Variants in CCDC157 observed in about 807,000 individuals in gnomAD.
CCDC157 encodes the protein coiled-coil domain-containing protein 157.
CCDC157 carries 60 observed loss-of-function variants against 70.9 expected under a neutral mutation model. That is an observed-to-expected ratio of 0.85 (90% CI 0.69 to 1.05). CCDC157 has a LOEUF of 1.05. Ranked by LOEUF, CCDC157 falls within the 50% of genes least tolerant of loss-of-function variation. The pLI is 0.00. For missense variants in CCDC157, 943 were observed against 984.2 expected, an observed-to-expected ratio of 0.96 and a Z score of 0.56; for synonymous variants, 373 against 422.4, an observed-to-expected ratio of 0.88 and a Z score of 1.43.
At chr22:30,375,800 T>G in intron 10 of CCDC157, 137 bp downstream of exon 10, 3 of 752,010 alleles carry the variant, frequency 4.0e-6, no homozygotes, top group Non-Finnish European at 6.3e-6. Flanking sequence ...TGTGAAACAT[T>G]TTTCACATTT....
rs765457997 is a variant in CCDC157 at position 30,374,415 on chromosome 22, T to C, written c.1672+324T>C. On this transcript the variant is annotated intron_variant, in intron 9 of 11. Coordinates refer to ENST00000338306, the MANE Select transcript of CCDC157 (RefSeq NM_001017437.5). ...CATGCTAATTCTTGCTCGACTTCTG[T>C]GTGTCCCCCTTCTTGGTTCTTGGAA... The C allele has an allele frequency of 4.9e-5, 26 of 525,264 alleles. 1 individual carries two copies. Among genetic ancestry groups the C allele is most frequent in the South Asian group, 2.0e-4 (13 of 65,198 alleles). 32.5% of individuals were successfully genotyped at this position (525,264 alleles called of 1,614,324 possible). A position where few individuals can be genotyped will look rare whatever the true frequency, so the allele number is the denominator to read the frequency against.
Position 30,369,595 on chromosome 22 carries a change from C to T in CCDC157, c.412C>T (p.Leu138Phe). 1 of 1,559,758 alleles carries T rather than the reference C, an allele frequency of 6.4e-7. No individual in the cohort carries two copies. Among genetic ancestry groups the T allele is most frequent in the Non-Finnish European group, 8.7e-7 (1 of 1,156,032 alleles). Residue 138 changes from leucine to phenylalanine, a missense_variant, in exon 4 of 12, where the codon CTC (leucine) becomes TTC (phenylalanine). By Grantham distance (22) the Leu-to-Phe change is conservative (BLOSUM62 0). Coordinates refer to ENST00000338306, the MANE Select transcript of CCDC157 (RefSeq NM_001017437.5). Reference protein sequence around the residue: ...LRLGTLHQQPLPQKGANQRET... With the variant: ...LRLGTLHQQPFPQKGANQRET... ...GCTGGGCACGCTCCACCAGCAGCCA[C>T]TCCCCCAGGTGGGTCCCAGCCTCTG...
At position 30,373,686 on chromosome 22, in the gene CCDC157, T is replaced by A; in HGVS notation, c.1425T>A (p.Ala475=). 6.4e-7 allele frequency: 1 copy of A among 1,554,862 alleles called. No homozygotes were observed. The highest frequency in any genetic ancestry group is 1.4e-5 in the African/African-American group (1 of 73,432). The part of the protein sequence containing the change: ...REELRGSLDE[A]EAQRARVEEQ... ...AGCTGCGGGGCAGCCTGGACGAGGC[T>A]GAGGCCCAGCGGGCCCGCGTGGAGG... Residue 475 remains alanine, a synonymous_variant, in exon 8 of 12, where the codon GCT becomes GCA. Coordinates refer to ENST00000338306, the MANE Select transcript of CCDC157 (RefSeq NM_001017437.5).
At chr22:30,366,444 G>A (rs1205129957) in intron 3 of CCDC157, 196 bp downstream of exon 3, 1 of 663,334 alleles carries the variant, frequency 1.5e-6, no homozygotes, top group Non-Finnish European at 2.7e-6. Context: ...GTTGTGTGCT[G>A]TGCTATCCTG....
At chr22:30,356,967 C>T (rs905448385), upstream of CCDC157, 52 of 503,612 alleles carry the variant, frequency 1.0e-4, no homozygotes, top group African/African-American at 2.0e-4. Flanking sequence ...CCGTGACGCG[C>T]TTCCCGCCCC....
intron 2 of CCDC157, among the ~76,000 whole-genome samples, chr22:30,363,945 G>A (rs1318476698): frequency 1.3e-5 from 2 of 152,128 alleles, no homozygotes; most frequent in African/African-American, 4.8e-5. Context: ...GCCTCCCAAA[G>A]TGTTGGGATT....
At chr22:30,365,474 TAG>T (rs1205063072) in intron 2 of CCDC157, among the ~76,000 whole-genome samples, 1 of 152,040 alleles carries the variant, frequency 6.6e-6, no homozygotes, top group Non-Finnish European at 1.5e-5. Flanking sequence ...CATGGTCCAA[TAG>T]AGTTTCGTCC....
chr22:30,369,396 G>A (rs779153581), intron 3 of CCDC157, 36 bp from the exon 4 acceptor site: 1 of 1,462,754 alleles, frequency 6.8e-7, no homozygotes, highest in Non-Finnish European at 9.1e-7. Flanking sequence ...GTTAGCACCA[G>A]CCTGGGCCCC....
chr22:30,366,007 C>T lies in CCDC157; in HGVS notation c.7C>T (p.His3Tyr). 5.0e-6 allele frequency: 8 copies of T among 1,594,124 alleles called. No individual in the cohort carries two copies. Among genetic ancestry groups the T allele is most frequent in the Non-Finnish European group, 6.0e-6 (7 of 1,176,410 alleles). ...CACCCCAGGATCTGTGAGGATGGCG[C>T]ACCTGCTGGGCAGCCAGGCCTGCAT... MAHLLGSQACMES... is the reference protein window; with the variant it reads MAYLLGSQACMES... Residue 3 changes from histidine to tyrosine, a missense_variant, in exon 3 of 12, where the codon CAC becomes TAC. By Grantham distance (83) the His-to-Tyr change is moderately conservative. Coordinates refer to ENST00000338306, the MANE Select transcript of CCDC157 (RefSeq NM_001017437.5).
chr22:30,375,100 G>A (rs1445988642), intron 9 of CCDC157: 14 of 293,562 alleles, frequency 4.8e-5, no homozygotes, highest in South Asian at 1.6e-4. Context: ...CTGGGACTAC[G>A]GGGGCCCGCC....
intron 1 of CCDC157, among the ~76,000 whole-genome samples, chr22:30,358,179 TAGGAA>T (rs1200151937): frequency 6.6e-6 from 1 of 152,196 alleles, no homozygotes; most frequent in Non-Finnish European, 1.5e-5. Context: ...GAGGGAGTGA[TAGGAA>T]AGGTTGCTCT....
At chr22:30,357,304 C>T (rs138751425) in intron 1 of CCDC157, among the ~76,000 whole-genome samples, 172 bp downstream of exon 1, 27 of 152,294 alleles carry the variant, frequency 1.8e-4, no homozygotes, top group African/African-American at 6.5e-4. Context: ...CGCCTAAGAG[C>T]CCCACTTCCC....
chr22:30,370,048 G>A, intron 4 of CCDC157: 1 of 542,806 alleles, frequency 1.8e-6, no homozygotes. Flanking sequence ...ACCAGCAGCT[G>A]TGACCGTCAC....
rs978190848 is a variant in CCDC157 at position 30,369,467 on chromosome 22, T to C, written c.284T>C (p.Leu95Ser). ...CTGCTTCAAAGCTGTATGAGCTACT[T>C]GGAGAACCTTGGCTCAGAGCAGATG... ...LLLLQSCMSYLENLGSEQMMP... is the reference protein window; with the variant it reads ...LLLLQSCMSYSENLGSEQMMP... Residue 95 changes from leucine (L) to serine (S), a missense_variant, in exon 4 of 12, where the codon TTG becomes TCG. Coordinates refer to ENST00000338306, the MANE Select transcript of CCDC157 (RefSeq NM_001017437.5). 1.3e-6 allele frequency: 2 copies of C among 1,564,492 alleles called. No individual in the cohort carries two copies. The highest frequency in any genetic ancestry group is 8.7e-7 in the Non-Finnish European group (1 of 1,153,796).
rs368236370 is a variant in CCDC157, at chr22:30,370,376, C to T, written c.471C>T (p.Gly157=). Reference sequence around the variant, plus strand: ...CCACCTCCAAGCCCACCACCAAGGGCGAGCCAGCCAGGAGCCCTGAATATC... The same window carrying T: ...CCACCTCCAAGCCCACCACCAAGGGTGAGCCAGCCAGGAGCCCTGAATATC... ...ETPTSKPTTK[G]EPARSPEYLT... The change falls in exon 5 of 12, where the codon GGC becomes GGT. Residue 157 remains glycine (G), a synonymous_variant. Coordinates refer to ENST00000338306, the MANE Select transcript of CCDC157 (RefSeq NM_001017437.5). 2.8e-5 allele frequency: 45 copies of T among 1,613,966 alleles called. No individual in the cohort carries two copies. Among genetic ancestry groups the T allele is most frequent in the Admixed American group, 5.0e-5 (3 of 59,996 alleles).
intron 1 of CCDC157, among the ~76,000 whole-genome samples, chr22:30,359,453 T>C (rs1464715094): frequency 5.9e-5 from 9 of 152,238 alleles, no homozygotes; most frequent in Non-Finnish European, 1.3e-4. Flanking sequence ...TGGTAGTTCC[T>C]GGAGGACAGG....
chr22:30,362,785 A>G (rs534321627), intron 2 of CCDC157, among the ~76,000 whole-genome samples: 2 of 152,258 alleles, frequency 1.3e-5, no homozygotes, highest in Admixed American at 1.3e-4. Flanking sequence ...GTCCTGGGAC[A>G]TGGGGGTAGA....
chr22:30,367,576 G>T (rs1050639546), intron 3 of CCDC157, among the ~76,000 whole-genome samples: 2 of 152,080 alleles, frequency 1.3e-5, no homozygotes, highest in Non-Finnish European at 2.9e-5. Flanking sequence ...AGGAGGCCGT[G>T]GTGGGAGGAT....
chr22:30,371,605 A>G (rs757233947), intron 5 of CCDC157, 45 bp from the exon 6 acceptor site: 92 of 1,531,822 alleles, frequency 6.0e-5, no homozygotes, highest in Non-Finnish European at 8.2e-5. Flanking sequence ...GCCGCCGGCC[A>G]GGTCCATGGG....
Sources: gnomAD v4.1 joint callset for allele counts (sites outside exome capture counted in the v4.1 genomes callset) on GRCh38, gnomAD v4.1.1 for gene constraint, MANE v1.5 for transcripts, NCBI Gene and HGNC (gene_info 2026-07-23, HGNC 2026-07-21) for gene names.